EPHB1: variants seen among roughly 807,000 people sequenced by gnomAD.
EPHB1 encodes the protein ephrin type-B receptor 1.
EPHB1 carries 30 observed loss-of-function variants against 94.4 expected under a neutral mutation model. The ratio of observed to expected loss-of-function variants is 0.32; its 90% CI spans 0.24 to 0.43. The LOEUF (loss-of-function observed/expected upper bound fraction) is 0.43. EPHB1 is among the 20% of genes least tolerant of loss of function. EPHB1 has a pLI of 1.00. For synonymous variants in EPHB1, 522 were observed against 489.1 expected (o/e 1.07, Z -0.89); for missense variants, 1,055 against 1,308.3 (o/e 0.81, Z 2.99).
At chr3:134,860,260 C>T (rs1014477355) in intron 1 of EPHB1, among the ~76,000 whole-genome samples, 1 of 151,876 alleles carries the variant, frequency 6.6e-6, no homozygotes, top group East Asian at 1.9e-4. Context: ...GGAGCATCTC[C>T]GCCATACTCA....
chr3:134,940,326 C>A (rs1429096960), intron 2 of EPHB1, among the ~76,000 whole-genome samples: 1 of 152,132 alleles, frequency 6.6e-6, no homozygotes, highest in Non-Finnish European at 1.5e-5. Context: ...TAGATGAGCT[C>A]CTTCCACATC....
intron 1 of EPHB1, among the ~76,000 whole-genome samples, chr3:134,860,152 CACACACACACACACACACAG>C (rs1560268690): frequency 1.0e-4 from 8 of 79,522 alleles, no homozygotes; most frequent in African/African-American, 3.7e-4. Context: ...AAGGAAGGGA[CACACACACACACACACACAG>C]ACACACACAC....
chr3:135,174,243 A>G (rs1941910251), intron 9 of EPHB1, among the ~76,000 whole-genome samples: 1 of 152,048 alleles, frequency 6.6e-6, no homozygotes, highest in African/African-American at 2.4e-5. Context: ...ATCAATCCTA[A>G]TGCCTCTGTT....
chr3:135,001,603 A>G (rs1231079576), intron 3 of EPHB1, among the ~76,000 whole-genome samples: 2 of 152,204 alleles, frequency 1.3e-5, no homozygotes, highest in Admixed American at 6.5e-5. Context: ...CCCAGGCCCA[A>G]TGGCCTCCCA....
chr3:134,796,086 G>T, intron 1 of EPHB1: 1 of 277,134 alleles, frequency 3.6e-6, no homozygotes, highest in Non-Finnish European at 6.8e-6. Flanking sequence ...CTGGAGTACT[G>T]GCGCCCGTCT....
At chr3:134,821,716 A>T (rs543207411) in intron 1 of EPHB1, among the ~76,000 whole-genome samples, 9 of 152,356 alleles carry the variant, frequency 5.9e-5, no homozygotes, top group African/African-American at 2.2e-4. Flanking sequence ...GAGGACTCCT[A>T]TGTCTTTCTC....
At chr3:135,002,828 G>A (rs1425329137) in intron 3 of EPHB1, among the ~76,000 whole-genome samples, 20 of 151,704 alleles carry the variant, frequency 1.3e-4, no homozygotes, top group African/African-American at 2.7e-4. Context: ...TTTTTATTGC[G>A]TCTATTTGAT....
intron 3 of EPHB1, among the ~76,000 whole-genome samples, chr3:135,031,595 C>T (rs1936471824): frequency 1.3e-5 from 2 of 152,212 alleles, no homozygotes; most frequent in Admixed American, 6.5e-5. Flanking sequence ...TAGGCATGAG[C>T]CACTGCATCC....
chr3:135,198,033 A>C (rs1942668978), intron 11 of EPHB1, among the ~76,000 whole-genome samples: 2 of 152,218 alleles, frequency 1.3e-5, no homozygotes, highest in Admixed American at 1.3e-4. Flanking sequence ...ATTCTAAAGA[A>C]AATGTATTGC....
intron 3 of EPHB1, among the ~76,000 whole-genome samples, chr3:135,038,462 A>C (rs970009137): frequency 6.6e-6 from 1 of 152,110 alleles, no homozygotes; most frequent in African/African-American, 2.4e-5. Context: ...CTTCAGGGAG[A>C]GAGAGATAGG....
chr3:135,251,231 AAAAT>A (rs1389940372), intron 15 of EPHB1, among the ~76,000 whole-genome samples: 1 of 152,340 alleles, frequency 6.6e-6, no homozygotes, highest in Admixed American at 6.5e-5. Flanking sequence ...ATAGACAGCA[AAAAT>A]AAATAAATAG....
In EPHB1 at chr3:135,096,920, A is replaced by C. The variant is rs373627938; in HGVS notation, c.806-9528A>C. The stretch of plus-strand genomic sequence containing the variant: ...AGACCATCCTGGCTAACACGGTGAA[A>C]CCCCGTCTCTACTTAAAAAACAAAA... On this transcript the variant is annotated intron_variant, in intron 3 of 15. Coordinates refer to ENST00000398015, the MANE Select transcript of EPHB1 (RefSeq NM_004441.5). Among the ~76,000 whole-genome samples, 235 of 151,900 alleles carry C rather than the reference A, an allele frequency of 1.5e-3. 1 individual carries two copies. In the Middle Eastern group the frequency reaches 0.02, roughly 13 times the overall value.
At chr3:135,055,302 T>C (rs1937317018) in intron 3 of EPHB1, among the ~76,000 whole-genome samples, 1 of 152,158 alleles carries the variant, frequency 6.6e-6, no homozygotes, top group Admixed American at 6.5e-5. Flanking sequence ...GCCTTTTGGG[T>C]TAAATATTTA....
chr3:134,833,120 G>T (rs1274448044), intron 1 of EPHB1, among the ~76,000 whole-genome samples: 2 of 152,186 alleles, frequency 1.3e-5, no homozygotes, highest in East Asian at 3.8e-4. Context: ...CAACTTCAGG[G>T]ATAATGTCCT....
intron 1 of EPHB1, among the ~76,000 whole-genome samples, chr3:134,846,804 C>T (rs1427174935): frequency 6.6e-6 from 1 of 152,102 alleles, no homozygotes. Flanking sequence ...GAAACGGAAA[C>T]CTCTGGGTAT....
chr3:135,007,675 T>G (rs556600220), intron 3 of EPHB1, among the ~76,000 whole-genome samples: 1 of 152,186 alleles, frequency 6.6e-6, no homozygotes, highest in Admixed American at 6.5e-5. Flanking sequence ...GGCTCCCGAT[T>G]TATAATTTAC....
intron 3 of EPHB1, among the ~76,000 whole-genome samples, chr3:134,968,501 G>C (rs1933847683): frequency 6.6e-6 from 1 of 152,166 alleles, no homozygotes; most frequent in South Asian, 2.1e-4. Flanking sequence ...CTATGGGTTT[G>C]TCCAGTTTAT....
chr3:135,219,511 A>C (rs529246667), intron 12 of EPHB1, among the ~76,000 whole-genome samples: 1 of 152,182 alleles, frequency 6.6e-6, no homozygotes, highest in Non-Finnish European at 1.5e-5. Flanking sequence ...AACACCAGAA[A>C]CTAGAAGGAG....
In EPHB1 at chr3:135,132,999, G is replaced by C. The variant is rs2107687547; in HGVS notation, c.1247G>C (p.Ser416Thr). The C allele has an allele frequency of 6.2e-7, 1 of 1,609,256 alleles. No homozygotes were observed. The highest frequency in any genetic ancestry group is 8.5e-7 in the Non-Finnish European group (1 of 1,176,012). The change falls in exon 5 of 16, where the codon AGT becomes ACT. Residue 416 changes from serine to threonine, a missense_variant. By Grantham distance (58) the Ser-to-Thr change is moderately conservative. Transcript: ENST00000398015. ...IQAINGVSSK[S>T]PFPPQHVSVN... ...GCCATCAATGGAGTCTCCAGCAAGA[G>C]TCCCTTCCCCCCACAGCACGTCTCT...
Sources: gnomAD v4.1 joint callset for allele counts (sites outside exome capture counted in the v4.1 genomes callset) on GRCh38, gnomAD v4.1.1 for gene constraint, MANE v1.5 for transcripts, NCBI Gene and HGNC (gene_info 2026-07-23, HGNC 2026-07-21) for gene names.